Variants in ITGA9 observed in about 807,000 individuals in gnomAD.
ITGA9 encodes integrin subunit alpha 9, also known as integrin alpha-9.
Under a neutral mutation model 127.8 loss-of-function variants are expected in ITGA9, and 56 were observed. The ratio of observed to expected loss-of-function variants is 0.44; its 90% confidence interval spans 0.35 to 0.55. The LOEUF is 0.55. Among genes scored for constraint, ITGA9 ranks in the 20% least tolerant of loss-of-function variants. ITGA9 has a pLI of 0.00. For missense variants in ITGA9, 1,196 were observed against 1,347.1 expected, an observed-to-expected ratio of 0.89 and a Z score of 1.76; for synonymous variants, 508 against 514.5, an observed-to-expected ratio of 0.99 and a Z score of 0.17.
In ITGA9 at chr3:37,626,148, C is replaced by T. The variant is rs573007592; in HGVS notation, c.1690-3039C>T. Among the ~76,000 whole-genome samples the T allele has an allele frequency of 2.6e-5, 4 of 152,328 alleles. No homozygotes were observed. The South Asian group carries it at 8.3e-4, about 32-fold the overall frequency. ...TAATTATTTGTCACTTATTCCCATTCATCCTTGTGTGTGAAACATTTTTCC... is the reference window on the plus strand; with the variant it reads ...TAATTATTTGTCACTTATTCCCATTTATCCTTGTGTGTGAAACATTTTTCC... On this transcript the variant is annotated intron_variant, in intron 15 of 27. Coordinates refer to ENST00000264741, the MANE Select transcript of ITGA9 (RefSeq NM_002207.3).
intron 17 of ITGA9, among the ~76,000 whole-genome samples, chr3:37,681,553 T>A (rs563996661): frequency 6.6e-6 from 1 of 152,164 alleles, no homozygotes; most frequent in East Asian, 1.9e-4. Context: ...TATCTTGAGA[T>A]TCCCCCAAAA....
chr3:37,763,993 T>C (rs971365098), intron 23 of ITGA9, among the ~76,000 whole-genome samples: 5 of 152,194 alleles, frequency 3.3e-5, no homozygotes, highest in Non-Finnish European at 5.9e-5. Flanking sequence ...TTGGACAGAA[T>C]ACAATCGAGA....
rs555476352 is a variant in ITGA9, at chr3:37,597,072, GCAACCTT to G, written c.1690-32111_1690-32105del. Among the ~76,000 whole-genome samples, 10 of 152,284 alleles carry G rather than the reference GCAACCTT, an allele frequency of 6.6e-5. No homozygotes were observed. In the South Asian group the frequency reaches 2.1e-3, roughly 32 times the overall value. On this transcript the variant is annotated intron_variant, in intron 15 of 27. Coordinates refer to ENST00000264741, the MANE Select transcript of ITGA9 (RefSeq NM_002207.3). The surrounding 1 kb of genome is among the most constrained non-coding windows in gnomAD (Gnocchi z 4.6). Reference sequence around the variant, plus strand: ...TTTATCTCCCACTTCCCACCCTCTAGCAACCTTCAAAGCCTGAAGTAGGGCCAAGTTG... The same window carrying G: ...TTTATCTCCCACTTCCCACCCTCTAGCAAAGCCTGAAGTAGGGCCAAGTTG...
intron 15 of ITGA9, among the ~76,000 whole-genome samples, chr3:37,569,247 T>A (rs975408236): frequency 6.6e-6 from 1 of 152,148 alleles, no homozygotes; most frequent in African/African-American, 2.4e-5. Context: ...AACCATTAGA[T>A]CACATGAGAC....
chr3:37,761,507 A>G (rs1359337597), intron 23 of ITGA9, among the ~76,000 whole-genome samples: 1 of 152,240 alleles, frequency 6.6e-6, no homozygotes, highest in East Asian at 1.9e-4. Context: ...TGTTAGATTC[A>G]GACCAAAAAG....
At position 37,732,712 on chromosome 3, in the gene ITGA9, G is replaced by A; in HGVS notation, c.2068G>A (p.Glu690Lys). Residue 690 changes from glutamate (E) to lysine (K), a missense_variant and splice_region_variant, in exon 19 of 28, where the codon GAG becomes AAG. Transcript: ENST00000264741. Reference protein sequence around the residue: ...ELFFINMWQKEEMGISCELLE... With the variant: ...ELFFINMWQKKEMGISCELLE... ...CATCTGTTGGTGCTTTTTCTTTCAG[G>A]AGGAGATGGGCATCTCCTGTGAGCT... The A allele has an allele frequency of 6.2e-7, 1 of 1,605,552 alleles. No individual in the cohort carries two copies. Among genetic ancestry groups the A allele is most frequent in the Non-Finnish European group, 8.5e-7 (1 of 1,176,320 alleles).
chr3:37,525,243 G>A (rs561337416), intron 12 of ITGA9, among the ~76,000 whole-genome samples: 6 of 152,166 alleles, frequency 3.9e-5, no homozygotes, highest in African/African-American at 1.4e-4. Flanking sequence ...CCAGGGTCTT[G>A]GTTTATAGCT....
chr3:37,698,086 T>C (rs988435801), intron 18 of ITGA9, among the ~76,000 whole-genome samples: 3 of 152,258 alleles, frequency 2.0e-5, no homozygotes, highest in Non-Finnish European at 4.4e-5. Flanking sequence ...TGATGGCCAG[T>C]GATGATGAGC....
chr3:37,493,440 T>A (rs532746285), intron 4 of ITGA9, among the ~76,000 whole-genome samples: 2 of 152,278 alleles, frequency 1.3e-5, no homozygotes, highest in South Asian at 4.1e-4. Flanking sequence ...CTGTGGAAGG[T>A]CTCCAGCAAT....
At chr3:37,741,211 T>C (rs1696428562) in intron 20 of ITGA9, among the ~76,000 whole-genome samples, 2 of 152,222 alleles carry the variant, frequency 1.3e-5, no homozygotes, top group African/African-American at 4.8e-5. Context: ...GCCACCCTGC[T>C]GAGGCTTTCT....
intron 17 of ITGA9, among the ~76,000 whole-genome samples, chr3:37,654,793 A>G (rs1034142827): frequency 3.3e-5 from 5 of 152,070 alleles, no homozygotes; most frequent in Non-Finnish European, 5.9e-5. Flanking sequence ...TGCTGCACCC[A>G]TCAACCTGTC....
At chr3:37,716,542 A>C (rs1374657918) in intron 18 of ITGA9, among the ~76,000 whole-genome samples, 2 of 150,642 alleles carry the variant, frequency 1.3e-5, no homozygotes, top group Non-Finnish European at 2.9e-5. Flanking sequence ...TGGCCAATTT[A>C]TCTCTCCCTC....
chr3:37,802,156 T>G (rs1449584153), intron 26 of ITGA9, among the ~76,000 whole-genome samples: 2 of 152,164 alleles, frequency 1.3e-5, no homozygotes, highest in Non-Finnish European at 2.9e-5. Context: ...TGGACCTCCA[T>G]GTTCCCCTCT....
At chr3:37,484,348 G>A (rs1698587878) in intron 4 of ITGA9, among the ~76,000 whole-genome samples, 1 of 152,160 alleles carries the variant, frequency 6.6e-6, no homozygotes, top group Non-Finnish European at 1.5e-5. Flanking sequence ...GACGGGTGGG[G>A]CTGGGAGGAT....
chr3:37,605,930 G>A (rs1699965119), intron 15 of ITGA9, among the ~76,000 whole-genome samples: 1 of 152,116 alleles, frequency 6.6e-6, no homozygotes, highest in Non-Finnish European at 1.5e-5. Flanking sequence ...TGTAGGTGGT[G>A]CATGAGTATG....
intron 18 of ITGA9, among the ~76,000 whole-genome samples, chr3:37,717,431 C>G (rs1418301782): frequency 6.6e-6 from 1 of 152,152 alleles, no homozygotes; most frequent in African/African-American, 2.4e-5. Flanking sequence ...ACGAACTACC[C>G]GAGACTGGGC....
intron 8 of ITGA9, among the ~76,000 whole-genome samples, chr3:37,511,927 T>G (rs774154809): frequency 1.7e-4 from 26 of 152,256 alleles, no homozygotes; most frequent in Non-Finnish European, 3.2e-4. Flanking sequence ...GGCCTTTTAT[T>G]AGAAAACATT....
At chr3:37,670,818 T>A (rs1700630426) in intron 17 of ITGA9, among the ~76,000 whole-genome samples, 1 of 152,244 alleles carries the variant, frequency 6.6e-6, no homozygotes. Context: ...AATTTCAATA[T>A]ATTCCATTGC....
rs753922424 is a variant in ITGA9, at chr3:37,629,192, G to A, written c.1695G>A (p.Arg565=). The A allele has an allele frequency of 6.2e-7, 1 of 1,612,678 alleles. No individual in the cohort carries two copies. Among genetic ancestry groups the A allele is most frequent in the Non-Finnish European group, 8.5e-7 (1 of 1,179,886 alleles). ...CRHYVAHVKR[R]VQDVISPIVF... ...GTATTTGTTTATTGTTTCAGCGGAG[G>A]GTGCAGGACGTCATCAGCCCGATCG... The change falls in exon 16 of 28, where the codon AGG becomes AGA. Residue 565 remains arginine, a synonymous_variant. Transcript: ENST00000264741. The surrounding 1 kb of genome is among the most constrained non-coding windows in gnomAD (Gnocchi z 4.5).
Sources: gnomAD v4.1 joint callset for allele counts (sites outside exome capture counted in the v4.1 genomes callset) on GRCh38, gnomAD v4.1.1 for gene constraint, Gnocchi (gnomAD v3.1) non-coding constraint, MANE v1.5 for transcripts, NCBI Gene and HGNC (gene_info 2026-07-23, HGNC 2026-07-21) for gene names.